ERBB4: variants seen among roughly 807,000 people sequenced by gnomAD.
ERBB4 encodes erb-b2 receptor tyrosine kinase 4.
In ERBB4, 42 loss-of-function variants were observed where a neutral mutation model predicts 158.0. The ratio of observed to expected loss-of-function variants is 0.27; its 90% CI spans 0.21 to 0.34. The LOEUF is 0.34. ERBB4 is among the 10% of genes least tolerant of loss of function. The probability of loss-of-function intolerance (pLI) is 1.00; values close to 1 mark genes in which losing one functional copy is unlikely to be tolerated. For missense variants in ERBB4, 1,333 were observed against 1,624.1 expected (o/e 0.82, Z 3.08); for synonymous variants, 583 against 558.7 (o/e 1.04, Z -0.61).
rs1309414909 is a variant in ERBB4, at chr2:211,861,139, T to TA, written c.422-72981dup. On this transcript the variant is annotated intron_variant, in intron 3 of 27. Coordinates refer to ENST00000342788, the MANE Select transcript of ERBB4 (RefSeq NM_005235.3). ...TATATATATTTTATATATATATATA[T>TA]ATATATATATATATATTAAAAAAAA... Among the ~76,000 whole-genome samples the TA allele has an allele frequency of 1.1e-4, 4 of 35,696 alleles. 1 individual carries two copies. Among genetic ancestry groups the TA allele is most frequent in the African/African-American group, 5.1e-4 (4 of 7,792 alleles). 23.4% of individuals were successfully genotyped at this position (35,696 alleles called of 152,430 possible).
chr2:211,471,256 C>G (rs866669605), intron 20 of ERBB4, among the ~76,000 whole-genome samples: 2 of 152,066 alleles, frequency 1.3e-5, no homozygotes, highest in African/African-American at 2.4e-5. Context: ...AAAGTAGAAC[C>G]TCCAGCCTCA....
chr2:211,625,089 T>G (rs2069790297), intron 17 of ERBB4, among the ~76,000 whole-genome samples: 1 of 151,990 alleles, frequency 6.6e-6, no homozygotes, highest in Admixed American at 6.6e-5. Context: ...AAAAAGTATG[T>G]CTAAGAGAGG....
At position 212,145,444 on chromosome 2, in the gene ERBB4, A is replaced by G. The variant is rs147810583; in HGVS notation, c.83-20541T>C. ...TAAAATTAGCCCTCTTCCAGTATCA[A>G]AATATTTCACATGCCATCTTAGAAT... On this transcript the variant is annotated intron_variant, in intron 1 of 27. Transcript: ENST00000342788. Among the ~76,000 whole-genome samples, 1,093 of 152,314 alleles carry G rather than the reference A, an allele frequency of 7.2e-3. 10 individuals are homozygous for G. Among genetic ancestry groups the G allele is most frequent in the African/African-American group, 0.024 (1,010 of 41,582 alleles).
chr2:211,551,227 G>A (rs917878581), intron 20 of ERBB4, among the ~76,000 whole-genome samples: 10 of 152,092 alleles, frequency 6.6e-5, no homozygotes, highest in African/African-American at 1.7e-4. Context: ...CATCAAATTA[G>A]ATTCATGCCG....
intron 2 of ERBB4, among the ~76,000 whole-genome samples, chr2:212,109,462 A>G (rs1445907099): frequency 2.0e-5 from 3 of 152,194 alleles, no homozygotes; most frequent in Non-Finnish European, 2.9e-5. Flanking sequence ...CTCCTCACCA[A>G]GGTCAACACA....
chr2:211,588,748 G>A (rs374721898), intron 19 of ERBB4, among the ~76,000 whole-genome samples: 1 of 151,946 alleles, frequency 6.6e-6, no homozygotes, highest in African/African-American at 2.4e-5. Flanking sequence ...TAATCACTCC[G>A]CACTTAACCA....
chr2:212,217,556 G>C (rs1476022400), intron 1 of ERBB4, among the ~76,000 whole-genome samples: 3 of 151,186 alleles, frequency 2.0e-5, no homozygotes, highest in African/African-American at 4.8e-5. Flanking sequence ...GCCAGGGTAA[G>C]GCTAGGCAGA....
At chr2:212,492,718 C>T (rs987611828) in intron 1 of ERBB4, among the ~76,000 whole-genome samples, 1 of 151,396 alleles carries the variant, frequency 6.6e-6, no homozygotes, top group Non-Finnish European at 1.5e-5. Flanking sequence ...TCAGTTTTAG[C>T]ACTAGACCTA....
intron 3 of ERBB4, among the ~76,000 whole-genome samples, chr2:211,907,649 C>G (rs73073372): frequency 1.3e-5 from 2 of 151,302 alleles, no homozygotes; most frequent in South Asian, 4.2e-4. Flanking sequence ...GAGCTTCACT[C>G]TATCACAGTC....
intron 2 of ERBB4, among the ~76,000 whole-genome samples, chr2:212,012,692 C>T (rs540305856): frequency 5.3e-5 from 8 of 152,082 alleles, no homozygotes; most frequent in South Asian, 2.1e-4. Context: ...GGACCACAGG[C>T]GTGAGCCACC....
At chr2:212,059,754 A>C (rs1004128058) in intron 2 of ERBB4, among the ~76,000 whole-genome samples, 1 of 152,206 alleles carries the variant, frequency 6.6e-6, no homozygotes, top group Non-Finnish European at 1.5e-5. Flanking sequence ...GAAAGCTGAA[A>C]CTGGATCCCT....
chr2:211,905,681 T>TATATATATATAAAC (rs1480195605), intron 3 of ERBB4, among the ~76,000 whole-genome samples: 1 of 110,668 alleles, frequency 9.0e-6, no homozygotes, highest in Non-Finnish European at 1.8e-5. Flanking sequence ...TATATATATA[T>TATATATATATAAAC]ACACACATAT....
intron 1 of ERBB4, among the ~76,000 whole-genome samples, chr2:212,271,825 A>G (rs1291084482): frequency 2.0e-5 from 3 of 151,810 alleles, no homozygotes; most frequent in Non-Finnish European, 4.4e-5. Flanking sequence ...ATACATATCT[A>G]CATTCTGCTT....
intron 20 of ERBB4, among the ~76,000 whole-genome samples, chr2:211,513,377 C>CAAAAAAAAAAA (rs1167274491): frequency 3.6e-5 from 2 of 55,746 alleles, no homozygotes; most frequent in African/African-American, 9.9e-5. Context: ...AAAAAAAAAA[C>CAAAAAAAAAAA]AAAAAAAAAA....
chr2:212,299,500 C>A (rs921283515), intron 1 of ERBB4, among the ~76,000 whole-genome samples: 1 of 151,590 alleles, frequency 6.6e-6, no homozygotes, highest in Non-Finnish European at 1.5e-5. Context: ...ATTTCTTCCA[C>A]GAATATTTGA....
intron 3 of ERBB4, among the ~76,000 whole-genome samples, chr2:211,864,283 C>G (rs2078146727): frequency 6.6e-6 from 1 of 152,184 alleles, no homozygotes; most frequent in African/African-American, 2.4e-5. Flanking sequence ...AATCCTCAGA[C>G]TGGGTGGGAG....
chr2:211,547,101 GATTTT>G (rs2066960568), intron 20 of ERBB4, among the ~76,000 whole-genome samples: 1 of 152,028 alleles, frequency 6.6e-6, no homozygotes, highest in African/African-American at 2.4e-5. Context: ...AAGTTATGCA[GATTTT>G]ATTAATGTCA....
At position 212,101,893 on chromosome 2, in the gene ERBB4, G is replaced by A. The variant is rs1022908826; in HGVS notation, c.234+22859C>T. On this transcript the variant is annotated intron_variant, in intron 2 of 27. Transcript: ENST00000342788. Reference sequence around the variant, plus strand: ...ACACAGACCTCCATGGTCCCTGCTAGTACGTTTTGCTTGGGGGGGTACATT... The same window carrying A: ...ACACAGACCTCCATGGTCCCTGCTAATACGTTTTGCTTGGGGGGGTACATT... 1.6e-4 allele frequency among the ~76,000 whole-genome samples: 24 copies of A among 151,596 alleles called. 1 individual carries two copies. Among genetic ancestry groups the A allele is most frequent in the African/African-American group, 5.6e-4 (23 of 41,346 alleles).
At chr2:211,997,352 TA>T (rs375421430) in intron 2 of ERBB4, among the ~76,000 whole-genome samples, 4,256 of 149,532 alleles carry the variant, frequency 0.028, 74 homozygotes, top group Middle Eastern at 0.048. Flanking sequence ...TTTCACTTGT[TA>T]AAAAAAAAAT....
Sources: allele counts gnomAD v4.1 joint callset (sites outside exome capture counted in the v4.1 genomes callset), GRCh38; gene constraint gnomAD v4.1.1; transcripts MANE v1.5; gene names NCBI Gene and HGNC (gene_info 2026-07-23, HGNC 2026-07-21).